The following CYP7A1 variants were observed in gnomAD, a reference collection of about 807,000 sequenced individuals.
CYP7A1 encodes the protein cytochrome P450 family 7 subfamily A member 1, also known as cytochrome P450 7A1.
A neutral mutation model predicts 43.8 loss-of-function variants in CYP7A1; 28 were observed. The ratio of observed to expected loss-of-function variants is 0.64; its 90% CI spans 0.47 to 0.88. CYP7A1 has a LOEUF of 0.88. Ranked by LOEUF, CYP7A1 falls within the 40% of genes least tolerant of loss-of-function variation. CYP7A1 has a pLI of 0.00. For synonymous variants in CYP7A1, 227 were observed against 222.5 expected, an observed-to-expected ratio of 1.02 and a Z score of -0.18; for missense variants, 637 against 611.9, an observed-to-expected ratio of 1.04 and a Z score of -0.43.
chr8:58,497,298 G>A, intron 2 of CYP7A1, 108 bp from the exon 3 acceptor site: 2 of 959,378 alleles, frequency 2.1e-6, no homozygotes, highest in African/African-American at 1.6e-5. Flanking sequence ...TGGTAAACAC[G>A]GGAAATTGGC....
Position 58,492,448 on chromosome 8 carries a change from G to A in CYP7A1, c.1120C>T (p.Leu374Phe). 2 of 1,613,968 alleles carry A rather than the reference G, an allele frequency of 1.2e-6. No homozygotes were observed. The highest frequency in any genetic ancestry group is 2.2e-5 in the South Asian group (2 of 91,088). Residue 374 changes from leucine to phenylalanine, a missense_variant, in exon 5 of 6, where the codon CTT (leucine) becomes TTT (phenylalanine). Coordinates refer to ENST00000301645, the MANE Select transcript of CYP7A1 (RefSeq NM_000780.4). ...RTAKEDFTLH[L>F]EDGSYNIRKD... ...CGGATGTTGTAGGAACCGTCCTCAA[G>A]GTGCAAAGTGAAATCCTCCTTAGCT...
chr8:58,496,135 T>A (rs1746032847), intron 3 of CYP7A1, among the ~76,000 whole-genome samples: 1 of 152,228 alleles, frequency 6.6e-6, no homozygotes, highest in African/African-American at 2.4e-5. Context: ...CAGCAATTCC[T>A]AACTGAGTGA....
At chr8:58,493,798 G>A (rs1190459564) in intron 4 of CYP7A1, among the ~76,000 whole-genome samples, 1 of 152,054 alleles carries the variant, frequency 6.6e-6, no homozygotes, top group East Asian at 1.9e-4. Context: ...TCAGGAGTTC[G>A]AGACCAGTCT....
chr8:58,492,227 A>G, intron 5 of CYP7A1, 126 bp downstream of exon 5: 1 of 942,940 alleles, frequency 1.1e-6, no homozygotes, highest in Non-Finnish European at 1.7e-6. Context: ...TGAATATTTA[A>G]CACAATTAAG....
rs1350022744 is a variant in CYP7A1 at position 58,500,049 on chromosome 8, C to G, written c.50G>C (p.Cys17Ser). The change falls in exon 1 of 6, where the codon TGT (cysteine) becomes TCT (serine). Residue 17 changes from cysteine (C) to serine (S), a missense_variant. By Grantham distance (112) the Cys-to-Ser change is moderately radical. Transcript: ENST00000301645. ...CCTAATTCCAAGAATAAGCCATAGA[C>G]AACAGCATGCTGCTATAGCAATCCC... Reference protein sequence around the residue: ...IWGIAIAACCCLWLILGIRRR... With the variant: ...IWGIAIAACCSLWLILGIRRR... 6.2e-7 allele frequency: 1 copy of G among 1,612,928 alleles called. No individual in the cohort carries two copies. Among genetic ancestry groups the G allele is most frequent in the Non-Finnish European group, 8.5e-7 (1 of 1,179,130 alleles).
intron 3 of CYP7A1, 99 bp from the exon 4 acceptor site, chr8:58,494,735 A>G (rs1191799556): frequency 9.3e-7 from 1 of 1,080,004 alleles, no homozygotes; most frequent in Non-Finnish European, 1.4e-6. Context: ...TCTTTTAACT[A>G]GATGGTGAAG....
chr8:58,497,568 G>A (rs1809465603), intron 2 of CYP7A1, among the ~76,000 whole-genome samples: 2 of 152,082 alleles, frequency 1.3e-5, no homozygotes, highest in Admixed American at 6.5e-5. Context: ...CCAGGCTGGA[G>A]TGCAGTGACA....
chr8:58,491,417 T>G lies in CYP7A1; in HGVS notation c.*58A>C. On this transcript the variant is annotated 3_prime_UTR_variant, in exon 6 of 6. Coordinates refer to ENST00000301645, the MANE Select transcript of CYP7A1 (RefSeq NM_000780.4). ...GCATTTGTCCAAAGGGACTGTGTGG[T>G]GAGGGTGTTCTGCAGTCCTGTAATA... The G allele has an allele frequency of 3.4e-6, 5 of 1,466,204 alleles. No homozygotes were observed. Among genetic ancestry groups the G allele is most frequent in the Non-Finnish European group, 3.8e-6 (4 of 1,052,288 alleles). The allele number at this position is 1,466,204 out of a possible 1,614,324, so 90.8% of individuals were successfully genotyped here. A position where few individuals can be genotyped will look rare whatever the true frequency, so the allele number is the denominator to read the frequency against.
intron 4 of CYP7A1, among the ~76,000 whole-genome samples, chr8:58,493,095 T>A (rs1296914785): frequency 6.6e-6 from 1 of 152,206 alleles, no homozygotes; most frequent in African/African-American, 2.4e-5. Flanking sequence ...AATCTGATCC[T>A]GAGTTAATAA....
chr8:58,491,120 C>T lies in CYP7A1; in HGVS notation c.*355G>A. On this transcript the variant is annotated 3_prime_UTR_variant, in exon 6 of 6. Transcript: ENST00000301645. ...GAGTAGCTAAGACTACAGGTGCCTG[C>T]TACCACACCTGGCTGTAATGTGTAT... 1 of 256,288 alleles carries T rather than the reference C, an allele frequency of 3.9e-6. No individual in the cohort carries two copies. The highest frequency in any genetic ancestry group is 5.7e-5 in the South Asian group (1 of 17,558). The allele number at this position is 256,288 out of a possible 1,614,324, so 15.9% of individuals were successfully genotyped here.
chr8:58,496,176 G>A (rs1809439481), intron 3 of CYP7A1, among the ~76,000 whole-genome samples: 1 of 152,158 alleles, frequency 6.6e-6, no homozygotes, highest in Non-Finnish European at 1.5e-5. Context: ...AATAAGTAAG[G>A]CATAGTCACC....
At chr8:58,495,923 A>G (rs1399214089) in intron 3 of CYP7A1, among the ~76,000 whole-genome samples, 2 of 152,256 alleles carry the variant, frequency 1.3e-5, no homozygotes, top group Non-Finnish European at 2.9e-5. Context: ...TTTAATTGGA[A>G]TAATTCAATA....
chr8:58,491,707 A>G lies in CYP7A1; in HGVS notation c.1283T>C (p.Leu428Pro). ...KTKTTFYCNG[L>P]KLKYYYMPFG... is the part of the protein sequence containing the mutation. ...GGGCATGTAGTAATACTTTAACTTG[A>G]GTCCATTACAATAGAAGGTAGTCTT... Residue 428 changes from leucine to proline, a missense_variant, in exon 6 of 6, where the codon CTC (leucine) becomes CCC (proline). Transcript: ENST00000301645. 1.9e-6 allele frequency: 3 copies of G among 1,613,432 alleles called. No individual in the cohort carries two copies. Among genetic ancestry groups the G allele is most frequent in the Non-Finnish European group, 2.5e-6 (3 of 1,179,328 alleles).
chr8:58,495,548 A>C (rs1021774109), intron 3 of CYP7A1, among the ~76,000 whole-genome samples: 2 of 152,178 alleles, frequency 1.3e-5, no homozygotes, highest in Admixed American at 6.5e-5. Context: ...TTTTATAAAT[A>C]AGTGTTTCTA....
chr8:58,496,373 T>G (rs978345250), intron 3 of CYP7A1, among the ~76,000 whole-genome samples: 4 of 152,222 alleles, frequency 2.6e-5, no homozygotes, highest in African/African-American at 9.6e-5. Context: ...GTGACATCTC[T>G]TTCTCTGGGA....
intron 4 of CYP7A1, 27 bp from the exon 5 acceptor site, chr8:58,492,555 A>T (rs1474653584): frequency 5.1e-6 from 8 of 1,583,514 alleles, no homozygotes; most frequent in South Asian, 1.1e-5. Flanking sequence ...AAAAAAAGAT[A>T]AAAAATGAAA....
At chr8:58,494,381 G>A (rs535788376) in intron 4 of CYP7A1, 125 bp downstream of exon 4, 85 of 1,049,366 alleles carry the variant, frequency 8.1e-5, no homozygotes, top group Middle Eastern at 2.1e-4. Flanking sequence ...AGGATTAACC[G>A]AGAAAACTCA....
Position 58,492,351 on chromosome 8 carries a change from A to G in CYP7A1, c.1215+2T>C. On this transcript the variant is annotated splice_donor_variant, in intron 5 of 5. Transcript: ENST00000301645. LOFTEE classifies it high-confidence loss of function. The stretch of plus-strand genomic sequence containing the variant: ...ATTGAATTTCAATGGGCAGGCACTT[A>G]CCAAAGGGTCTGGGTAGATTTCTGG... 6.2e-7 allele frequency: 1 copy of G among 1,612,530 alleles called. No individual in the cohort carries two copies. Among genetic ancestry groups the G allele is most frequent in the Non-Finnish European group, 8.5e-7 (1 of 1,178,564 alleles).
chr8:58,492,258 A>G (rs900107676), intron 5 of CYP7A1, 95 bp downstream of exon 5: 7 of 1,125,502 alleles, frequency 6.2e-6, no homozygotes, highest in Non-Finnish European at 9.5e-6. Flanking sequence ...CTGTGACTAC[A>G]ATGATAAAAT....
Sources: allele counts gnomAD v4.1 joint callset (sites outside exome capture counted in the v4.1 genomes callset), GRCh38; gene constraint gnomAD v4.1.1; transcripts MANE v1.5; gene names NCBI Gene and HGNC (gene_info 2026-07-23, HGNC 2026-07-21).